Variants in BRCA1 observed in about 807,000 individuals in gnomAD.
The protein encoded by BRCA1 is BRCA1 DNA repair associated.
BRCA1 carries 140 observed loss-of-function variants against 173.7 expected under a neutral mutation model. The observed-to-expected ratio is 0.81, with a 90% confidence interval of 0.70 to 0.93. The LOEUF (loss-of-function observed/expected upper bound fraction) is 0.93. Ranked by LOEUF, BRCA1 falls within the 40% of genes least tolerant of loss-of-function variation. The pLI is 0.00. For synonymous variants in BRCA1, 662 were observed against 756.0 expected, an observed-to-expected ratio of 0.88 and a Z score of 2.04; for missense variants, 1,983 against 2,172.5, an observed-to-expected ratio of 0.91 and a Z score of 1.73.
At chr17:43,057,697 G>A (rs1457163657) in intron 18 of BRCA1, among the ~76,000 whole-genome samples, 1 of 151,630 alleles carries the variant, frequency 6.6e-6, no homozygotes, top group African/African-American at 2.4e-5. Flanking sequence ...TTAGCCGGGT[G>A]TAGTGGCAGG....
rs1223083681 is a variant in BRCA1 at position 43,044,676 on chromosome 17, T to C, written c.*1002A>G. 3.9e-6 allele frequency: 2 copies of C among 507,214 alleles called. No individual in the cohort carries two copies. Among genetic ancestry groups the C allele is most frequent in the Non-Finnish European group, 3.9e-6 (1 of 259,350 alleles). The allele number at this position is 507,214 out of a possible 1,614,324, so 31.4% of individuals were successfully genotyped here. A position where few individuals can be genotyped will look rare whatever the true frequency, so the allele number is the denominator to read the frequency against. ...CAACAATAAACATTTTACTTATTAC[T>C]AATGAGGAATTAGAAGACTGTCTTT... On this transcript the variant is annotated 3_prime_UTR_variant, in exon 23 of 23. Transcript: ENST00000357654.
At chr17:43,056,959 T>C (rs1306810235) in intron 19 of BRCA1, 93 bp downstream of exon 19, 10 of 1,150,312 alleles carry the variant, frequency 8.7e-6, no homozygotes, top group Non-Finnish European at 1.3e-5. Context: ...ATGTAATAAG[T>C]CTTACAAAAT....
intron 1 of BRCA1, among the ~76,000 whole-genome samples, chr17:43,141,791 G>A (rs1044070431): frequency 3.3e-5 from 5 of 151,738 alleles, no homozygotes; most frequent in Admixed American, 1.3e-4. Flanking sequence ...CAACCTGGGC[G>A]ACAGACCGAA....
At chr17:43,137,006 C>T (rs2056030038) in intron 1 of BRCA1, among the ~76,000 whole-genome samples, 2 of 151,980 alleles carry the variant, frequency 1.3e-5, no homozygotes, top group Non-Finnish European at 2.9e-5. Flanking sequence ...GCACTATTCA[C>T]AATAGCAAAG....
At chr17:43,061,195 C>T (rs1397400262) in intron 18 of BRCA1, among the ~76,000 whole-genome samples, 2 of 152,070 alleles carry the variant, frequency 1.3e-5, no homozygotes, top group African/African-American at 4.8e-5. Context: ...GTTTGCTATT[C>T]CTCTGCCTAT....
At chr17:43,120,146 G>A (rs2055479032) in intron 2 of BRCA1, among the ~76,000 whole-genome samples, 1 of 152,158 alleles carries the variant, frequency 6.6e-6, no homozygotes, top group African/African-American at 2.4e-5. Flanking sequence ...ACCCACCGGG[G>A]AACACATTTT....
At chr17:43,076,388 CA>C (rs1048869090) in intron 13 of BRCA1, 99 bp downstream of exon 13, 3 of 1,455,502 alleles carry the variant, frequency 2.1e-6, no homozygotes, top group African/African-American at 2.8e-5. Context: ...TGCCTGTATG[CA>C]AAAAACTGGA....
chr17:43,167,932 T>TAAAGA (rs1459679572), intron 1 of BRCA1: 8 of 164,852 alleles, frequency 4.9e-5, no homozygotes, highest in Non-Finnish European at 7.8e-5. Context: ...TCCCTGTCTT[T>TAAAGA]CAGGGACCAC....
At chr17:43,076,412 A>G (rs2154054591) in intron 13 of BRCA1, 76 bp downstream of exon 13, 2 of 1,567,030 alleles carry the variant, frequency 1.3e-6, no homozygotes, top group Non-Finnish European at 1.8e-6. Context: ...AAGTATGGTG[A>G]AAAAAATTAA....
At chr17:43,067,746 C>T (rs2153723324) in intron 15 of BRCA1, 51 bp from the exon 16 acceptor site, 2 of 1,392,282 alleles carry the variant, frequency 1.4e-6, no homozygotes, top group East Asian at 2.3e-5. Context: ...TAGCACACAG[C>T]TCAGAATACT....
intron 2 of BRCA1, among the ~76,000 whole-genome samples, chr17:43,121,487 C>G (rs1230263870): frequency 2.0e-5 from 3 of 151,968 alleles, no homozygotes; most frequent in Non-Finnish European, 4.4e-5. Context: ...GAGTTCGAGA[C>G]CAACCTGACC....
chr17:43,130,275 A>G (rs4793206), upstream of BRCA1, among the ~76,000 whole-genome samples: 16,164 of 152,032 alleles, frequency 0.11, 2,658 homozygotes, highest in African/African-American at 0.35. Flanking sequence ...CAGCCTCCCA[A>G]ATTGCTAGGA....
intron 12 of BRCA1, among the ~76,000 whole-genome samples, chr17:43,077,166 G>GA (rs907598834): frequency 1.3e-5 from 2 of 150,454 alleles, no homozygotes; most frequent in Admixed American, 6.6e-5. Context: ...TTCAATTACC[G>GA]AAAAAAAAGA....
chr17:43,124,010 G>T lies in BRCA1; in HGVS notation c.80+7C>A, dbSNP rs80358098. 6.2e-7 allele frequency: 1 copy of T among 1,605,756 alleles called. No individual in the cohort carries two copies. The highest frequency in any genetic ancestry group is 8.5e-7 in the Non-Finnish European group (1 of 1,172,510). Reference sequence around the variant, plus strand: ...TCCCAAATTAATACACTCTTGTGCTGACTTACCAGATGGGACACTCTAAGA... The same window carrying T: ...TCCCAAATTAATACACTCTTGTGCTTACTTACCAGATGGGACACTCTAAGA... On this transcript the variant is annotated splice_region_variant and intron_variant, in intron 2 of 22. Transcript: ENST00000357654.
intron 14 of BRCA1, among the ~76,000 whole-genome samples, chr17:43,072,025 A>T (rs1404165154): frequency 1.3e-5 from 2 of 151,502 alleles, no homozygotes; most frequent in Admixed American, 6.6e-5. Context: ...TAAATAAATA[A>T]AAATAAATAA....
chr17:43,062,355 A>C (rs1034182682), intron 18 of BRCA1, among the ~76,000 whole-genome samples: 2 of 152,070 alleles, frequency 1.3e-5, no homozygotes, highest in Non-Finnish European at 2.9e-5. Context: ...TCAGCCTCCC[A>C]AAGGGCTGAG....
At position 43,045,037 on chromosome 17, in the gene BRCA1, C is replaced by T. The variant is rs1363256051; in HGVS notation, c.*641G>A. On this transcript the variant is annotated 3_prime_UTR_variant, in exon 23 of 23. Transcript: ENST00000357654. ...CAGGCTGGTTTCGAACTCCTGACCT[C>T]CAGTGATCTGCCCACCTTGGCCTCC... 2.0e-6 allele frequency: 1 copy of T among 508,048 alleles called. No individual in the cohort carries two copies. Among genetic ancestry groups the T allele is most frequent in the Admixed American group, 2.3e-5 (1 of 44,098 alleles). 31.5% of individuals were successfully genotyped at this position (508,048 alleles called of 1,614,324 possible).
chr17:43,107,539 C>T lies in BRCA1; in HGVS notation c.135-1006G>A, dbSNP rs8176124. 1.3e-3 allele frequency among the ~76,000 whole-genome samples: 204 copies of T among 151,912 alleles called. 1 individual carries two copies. The highest frequency in any genetic ancestry group is 4.7e-3 in the African/African-American group (193 of 41,406). ...GGGATTACAGACATGCACCACCATA[C>T]CCAGCTAATTTTTTGTATTTTTAGT... On this transcript the variant is annotated intron_variant, in intron 3 of 22. Coordinates refer to ENST00000357654, the MANE Select transcript of BRCA1 (RefSeq NM_007294.4).
chr17:43,168,490 AT>A (rs1409504537), intron 1 of BRCA1, among the ~76,000 whole-genome samples: 1 of 152,184 alleles, frequency 6.6e-6, no homozygotes, highest in Non-Finnish European at 1.5e-5. Flanking sequence ...ATACAAAAAA[AT>A]GAGCCAGGCA....
Sources: allele counts gnomAD v4.1 joint callset (sites outside exome capture counted in the v4.1 genomes callset), GRCh38; gene constraint gnomAD v4.1.1; transcripts MANE v1.5; gene names NCBI Gene and HGNC (gene_info 2026-07-23, HGNC 2026-07-21).